Variants in KCTD8 observed in about 807,000 individuals in gnomAD.
KCTD8 encodes the protein BTB/POZ domain-containing protein KCTD8.
In KCTD8, 27 loss-of-function variants were observed where a neutral mutation model predicts 31.5. The ratio of observed to expected loss-of-function variants is 0.86; its 90% CI spans 0.63 to 1.18. The LOEUF (loss-of-function observed/expected upper bound fraction) is 1.18. Ranked by LOEUF, KCTD8 falls within the 50% of genes most tolerant of loss-of-function variation. KCTD8 has a pLI of 0.00. For missense variants in KCTD8, 658 were observed against 647.7 expected, an observed-to-expected ratio of 1.02 and a Z score of -0.17; for synonymous variants, 290 against 280.0, an observed-to-expected ratio of 1.04 and a Z score of -0.36.
chr4:44,242,443 T>C (rs547810369), intron 1 of KCTD8, among the ~76,000 whole-genome samples: 67 of 152,088 alleles, frequency 4.4e-4, no homozygotes, highest in Non-Finnish European at 7.6e-4. Flanking sequence ...CTGGGCGCGG[T>C]GGCTGGCTCC....
Position 44,265,736 on chromosome 4 carries a change from C to T in KCTD8, c.962-90486G>A, listed in dbSNP as rs570478448. Among the ~76,000 whole-genome samples the T allele has an allele frequency of 4.4e-4, 67 of 152,058 alleles. 1 individual carries two copies. The East Asian group carries it at 4.6e-3, about 11-fold the overall frequency. ...GCTGAAAGCCAAGGCTCGAGAACTA[C>T]GTGAAGAATGCAGAAGCCTCAGGAG... On this transcript the variant is annotated intron_variant, in intron 1 of 1. Coordinates refer to ENST00000360029, the MANE Select transcript of KCTD8 (RefSeq NM_198353.3).
chr4:44,211,960 C>CT (rs1244007466), intron 1 of KCTD8, among the ~76,000 whole-genome samples: 3 of 151,958 alleles, frequency 2.0e-5, no homozygotes, highest in Non-Finnish European at 2.9e-5. Flanking sequence ...CAGTTTTCCT[C>CT]TTTTTTACCT....
At chr4:44,229,122 G>A (rs1715045649) in intron 1 of KCTD8, among the ~76,000 whole-genome samples, 1 of 152,120 alleles carries the variant, frequency 6.6e-6, no homozygotes, top group Non-Finnish European at 1.5e-5. Context: ...TTATTATCAT[G>A]ATTGAAGAAG....
chr4:44,266,146 A>T (rs1716347921), intron 1 of KCTD8, among the ~76,000 whole-genome samples: 1 of 152,190 alleles, frequency 6.6e-6, no homozygotes, highest in African/African-American at 2.4e-5. Flanking sequence ...CCAGAGAGAA[A>T]GGTTGGGTTA....
chr4:44,284,927 A>G (rs746583220), intron 1 of KCTD8, among the ~76,000 whole-genome samples: 5 of 152,212 alleles, frequency 3.3e-5, no homozygotes, highest in Non-Finnish European at 7.3e-5. Flanking sequence ...ATGAGATACC[A>G]TCTCATGCCA....
At chr4:44,365,760 C>T (rs550992713) in intron 1 of KCTD8, among the ~76,000 whole-genome samples, 2 of 152,238 alleles carry the variant, frequency 1.3e-5, no homozygotes, top group South Asian at 4.1e-4. Context: ...CCAGCAATCT[C>T]ATCTAGAAAT....
intron 1 of KCTD8, among the ~76,000 whole-genome samples, chr4:44,376,366 C>T (rs1719916427): frequency 6.6e-6 from 1 of 152,152 alleles, no homozygotes; most frequent in African/African-American, 2.4e-5. Context: ...GTTCCCAAGG[C>T]TAAGATTTGC....
intron 1 of KCTD8, among the ~76,000 whole-genome samples, chr4:44,202,872 G>A (rs962272686): frequency 6.6e-6 from 1 of 152,048 alleles, no homozygotes; most frequent in Non-Finnish European, 1.5e-5. Flanking sequence ...TTGTAAAATT[G>A]AAAATTTTCT....
chr4:44,385,384 T>G (rs1424894693), intron 1 of KCTD8, among the ~76,000 whole-genome samples: 1 of 151,654 alleles, frequency 6.6e-6, no homozygotes, highest in Non-Finnish European at 1.5e-5. Context: ...ATAGAAAGCC[T>G]AGAAATAAAC....
intron 1 of KCTD8, among the ~76,000 whole-genome samples, chr4:44,177,233 A>T (rs1353542289): frequency 6.6e-6 from 1 of 151,970 alleles, no homozygotes; most frequent in African/African-American, 2.4e-5. Flanking sequence ...TCTGGCTTTC[A>T]GATGGATTCA....
At chr4:44,230,098 C>A (rs1715079492) in intron 1 of KCTD8, among the ~76,000 whole-genome samples, 1 of 152,110 alleles carries the variant, frequency 6.6e-6, no homozygotes, top group African/African-American at 2.4e-5. Context: ...CTGGCTTATG[C>A]CCCTCAGTCA....
intron 1 of KCTD8, among the ~76,000 whole-genome samples, chr4:44,296,789 A>G (rs2109389099): frequency 6.6e-6 from 1 of 151,964 alleles, no homozygotes; most frequent in African/African-American, 2.4e-5. Flanking sequence ...AGTTTTTTTG[A>G]GTATTTCCCA....
At chr4:44,364,554 TC>T (rs1460865447) in intron 1 of KCTD8, among the ~76,000 whole-genome samples, 2 of 152,142 alleles carry the variant, frequency 1.3e-5, no homozygotes, top group Admixed American at 1.3e-4. Flanking sequence ...TATCATATGA[TC>T]CAGAAACTGT....
At position 44,290,983 on chromosome 4, in the gene KCTD8, T is replaced by C. The variant is rs573021711; in HGVS notation, c.962-115733A>G. Among the ~76,000 whole-genome samples, 11 of 152,086 alleles carry C rather than the reference T, an allele frequency of 7.2e-5. No individual in the cohort carries two copies. In the South Asian group the frequency reaches 1.2e-3, roughly 17 times the overall value. ...ATATCAGAGAAGAATTGAATGATAT[T>C]GAGAAGCAAAAGTCTACACAAAAGA... On this transcript the variant is annotated intron_variant, in intron 1 of 1. Coordinates refer to ENST00000360029, the MANE Select transcript of KCTD8 (RefSeq NM_198353.3).
chr4:44,431,508 C>A (rs1303125314), intron 1 of KCTD8, among the ~76,000 whole-genome samples: 4 of 151,378 alleles, frequency 2.6e-5, no homozygotes, highest in Non-Finnish European at 4.4e-5. Flanking sequence ...ATTACCCAGT[C>A]AAAATATGTG....
chr4:44,380,374 T>C (rs1720029895), intron 1 of KCTD8, among the ~76,000 whole-genome samples: 1 of 149,516 alleles, frequency 6.7e-6, no homozygotes, highest in Admixed American at 6.7e-5. Flanking sequence ...AAATGGAGAA[T>C]GAGTACATGT....
intron 1 of KCTD8, chr4:44,293,514 A>T (rs1403252205): frequency 6.7e-6 from 3 of 450,582 alleles, no homozygotes; most frequent in Non-Finnish European, 8.9e-6. Context: ...TGTAATTGGT[A>T]GAAGCAGCAC....
chr4:44,440,816 T>G (rs1721793245), intron 1 of KCTD8, among the ~76,000 whole-genome samples: 1 of 152,140 alleles, frequency 6.6e-6, no homozygotes, highest in Non-Finnish European at 1.5e-5. Context: ...GAGGGACCTA[T>G]CCTAGTGCAC....
chr4:44,329,448 T>A (rs7668238), intron 1 of KCTD8, among the ~76,000 whole-genome samples: 1 of 152,010 alleles, frequency 6.6e-6, no homozygotes, highest in Admixed American at 6.6e-5. Flanking sequence ...TACTTTATCT[T>A]CTAATTTTTT....
Sources: gnomAD v4.1 joint callset for allele counts (sites outside exome capture counted in the v4.1 genomes callset) on GRCh38, gnomAD v4.1.1 for gene constraint, MANE v1.5 for transcripts, NCBI Gene and HGNC (gene_info 2026-07-23, HGNC 2026-07-21) for gene names.